RHOBTB1: variants seen among roughly 807,000 people sequenced by gnomAD.
The protein encoded by RHOBTB1 is rho-related BTB domain-containing protein 1.
A neutral mutation model predicts 71.6 loss-of-function variants in RHOBTB1; 40 were observed. The ratio of observed to expected loss-of-function variants is 0.56; its 90% confidence interval spans 0.43 to 0.73. RHOBTB1 has a LOEUF of 0.73. RHOBTB1 is among the 30% of genes least tolerant of loss of function. RHOBTB1 has a pLI of 0.00. For synonymous variants in RHOBTB1, 319 were observed against 334.9 expected (o/e 0.95, Z 0.52); for missense variants, 797 against 894.0 (o/e 0.89, Z 1.38).
intron 1 of RHOBTB1, among the ~76,000 whole-genome samples, chr10:61,000,792 G>A (rs1440742552): frequency 6.6e-6 from 1 of 152,092 alleles, no homozygotes; most frequent in Non-Finnish European, 1.5e-5. Flanking sequence ...GTGTGGCATA[G>A]CAGGGCAAAG....
chr10:60,981,344 A>G (rs957643037), intron 2 of RHOBTB1, among the ~76,000 whole-genome samples: 1 of 152,200 alleles, frequency 6.6e-6, no homozygotes, highest in Admixed American at 6.5e-5. Flanking sequence ...CATATATGCC[A>G]AATATTTTGT....
At chr10:60,865,264 G>A (rs2080631583), downstream of RHOBTB1, among the ~76,000 whole-genome samples, 1 of 152,098 alleles carries the variant, frequency 6.6e-6, no homozygotes, top group Admixed American at 6.6e-5. Context: ...TTTTTCTTTA[G>A]ATTTCATATG....
At chr10:60,895,908 A>G (rs1428958360) in intron 4 of RHOBTB1, among the ~76,000 whole-genome samples, 1 of 152,284 alleles carries the variant, frequency 6.6e-6, no homozygotes, top group Non-Finnish European at 1.5e-5. Flanking sequence ...TGACAGAGCT[A>G]TAGAAAGATG....
At chr10:60,879,372 G>A (rs546241341) in intron 7 of RHOBTB1, among the ~76,000 whole-genome samples, 153 of 152,050 alleles carry the variant, frequency 1.0e-3, no homozygotes, top group Non-Finnish European at 1.9e-3. Flanking sequence ...TTTGAGACAG[G>A]GTCTAACTCT....
intron 2 of RHOBTB1, among the ~76,000 whole-genome samples, chr10:60,966,781 G>C (rs931292897): frequency 6.6e-6 from 1 of 151,126 alleles, no homozygotes; most frequent in Non-Finnish European, 1.5e-5. Context: ...TTGGTGTGCT[G>C]CACCCATTAA....
intron 4 of RHOBTB1, among the ~76,000 whole-genome samples, 167 bp from the exon 5 acceptor site, chr10:60,893,162 T>C (rs2082004747): frequency 6.6e-6 from 1 of 151,848 alleles, no homozygotes; most frequent in South Asian, 2.1e-4. Flanking sequence ...AACAGCCTGA[T>C]AAGCCCCCAC....
intron 4 of RHOBTB1, among the ~76,000 whole-genome samples, chr10:60,905,848 T>C (rs180924781): frequency 6.6e-6 from 1 of 152,288 alleles, no homozygotes; most frequent in East Asian, 1.9e-4. Context: ...CCTTACTTTT[T>C]TGCTTGCCGT....
At chr10:60,959,712 C>T (rs1221450184) in intron 2 of RHOBTB1, among the ~76,000 whole-genome samples, 1 of 152,090 alleles carries the variant, frequency 6.6e-6, no homozygotes. Context: ...TGGAAAGACA[C>T]TTTATCTCTC....
At chr10:60,959,386 C>CA (rs1358574502) in intron 2 of RHOBTB1, among the ~76,000 whole-genome samples, 1 of 152,070 alleles carries the variant, frequency 6.6e-6, no homozygotes, top group Non-Finnish European at 1.5e-5. Flanking sequence ...GGAACAATGC[C>CA]AAATACTGAT....
intron 2 of RHOBTB1, among the ~76,000 whole-genome samples, chr10:60,977,097 A>T (rs2086341573): frequency 6.6e-6 from 1 of 152,210 alleles, no homozygotes; most frequent in Non-Finnish European, 1.5e-5. Context: ...TTTCTAATTA[A>T]ACAAATTCTG....
At chr10:60,979,108 T>TTATGCTAGGAACATG (rs1225026956) in intron 2 of RHOBTB1, among the ~76,000 whole-genome samples, 2 of 152,164 alleles carry the variant, frequency 1.3e-5, no homozygotes, top group African/African-American at 2.4e-5. Flanking sequence ...GCTCTAATAT[T>TTATGCTAGGAACATG]TATGCTAGGA....
intron 2 of RHOBTB1, among the ~76,000 whole-genome samples, chr10:60,972,020 A>T (rs1264885494): frequency 1.3e-5 from 2 of 152,246 alleles, no homozygotes; most frequent in African/African-American, 4.8e-5. Flanking sequence ...AATGGCAATC[A>T]TTAAAAAGCC....
intron 5 of RHOBTB1, 82 bp from the exon 6 acceptor site, chr10:60,889,267 G>GGACCC: frequency 7.3e-7 from 1 of 1,378,604 alleles, no homozygotes; most frequent in Non-Finnish European, 9.7e-7. Flanking sequence ...AGCACCTAAT[G>GGACCC]GAACTATACA....
At chr10:60,864,374 C>G in the RHOBTB1 span, among the ~76,000 whole-genome samples, 1 of 152,236 alleles carries the variant, frequency 6.6e-6, no homozygotes, top group East Asian at 1.9e-4. Flanking sequence ...TTTTTGGACT[C>G]TGGTAGAGTG....
downstream of RHOBTB1, among the ~76,000 whole-genome samples, chr10:60,868,995 G>A (rs148547603): frequency 6.6e-6 from 1 of 152,300 alleles, no homozygotes; most frequent in Non-Finnish European, 1.5e-5. Flanking sequence ...GGTAAACATT[G>A]TATTACCTAG....
At chr10:60,927,726 A>C (rs1303073345) in intron 2 of RHOBTB1, among the ~76,000 whole-genome samples, 1 of 152,236 alleles carries the variant, frequency 6.6e-6, no homozygotes, top group African/African-American at 2.4e-5. Context: ...AAATAGATTA[A>C]ATACTTATAT....
intron 2 of RHOBTB1, among the ~76,000 whole-genome samples, chr10:60,961,117 C>A (rs1163638834): frequency 6.6e-6 from 1 of 151,988 alleles, no homozygotes; most frequent in South Asian, 2.1e-4. Flanking sequence ...CTCAAAGGAC[C>A]CTGGGGCTTC....
intron 1 of RHOBTB1, among the ~76,000 whole-genome samples, chr10:60,987,237 C>T (rs1433809795): frequency 2.6e-5 from 4 of 152,316 alleles, no homozygotes; most frequent in Admixed American, 6.5e-5. Flanking sequence ...CCTGAATTTT[C>T]TTCTTCTGGC....
chr10:60,915,150 A>T (rs1294742733), intron 2 of RHOBTB1, among the ~76,000 whole-genome samples: 1 of 152,214 alleles, frequency 6.6e-6, no homozygotes, highest in Non-Finnish European at 1.5e-5. Context: ...TTCATTTGTT[A>T]CACATAAAGA....
Sources: gnomAD v4.1 joint callset for allele counts (sites outside exome capture counted in the v4.1 genomes callset) on GRCh38, gnomAD v4.1.1 for gene constraint, MANE v1.5 for transcripts, NCBI Gene and HGNC (gene_info 2026-07-23, HGNC 2026-07-21) for gene names.